Variants in TPTE2 observed in about 807,000 individuals in gnomAD.
TPTE2 encodes transmembrane phosphoinositide 3-phosphatase and tensin homolog 2.
A neutral mutation model predicts 78.6 loss-of-function variants in TPTE2; 53 were observed. That is an observed-to-expected ratio of 0.67 (90% CI 0.54 to 0.85). The LOEUF (loss-of-function observed/expected upper bound fraction) is 0.85. Among genes scored for constraint, TPTE2 ranks in the 40% least tolerant of loss-of-function variants. The pLI, the probability that TPTE2 is intolerant of heterozygous loss-of-function variation, is 0.00. For missense variants in TPTE2, 461 were observed against 623.0 expected (o/e 0.74, Z 2.77); for synonymous variants, 175 against 206.2 (o/e 0.85, Z 1.30).
At chr13:19,531,990 T>A (rs1002374087) in intron 1 of TPTE2, among the ~76,000 whole-genome samples, 1 of 152,138 alleles carries the variant, frequency 6.6e-6, no homozygotes, top group Non-Finnish European at 1.5e-5. Flanking sequence ...AACCGAGTTG[T>A]CAACTGTTTA....
the TPTE2 span, among the ~76,000 whole-genome samples, chr13:19,547,813 T>G: frequency 2.7e-5 from 4 of 149,514 alleles, no homozygotes; most frequent in African/African-American, 9.7e-5. Flanking sequence ...AATGTGTAAC[T>G]GCCATTTAAT....
intron 1 of TPTE2, among the ~76,000 whole-genome samples, chr13:19,499,476 G>C (rs1340816529): frequency 3.6e-5 from 5 of 139,584 alleles, no homozygotes; most frequent in Admixed American, 7.3e-5. Flanking sequence ...AATCAAACTA[G>C]AACTCAGGAT....
the TPTE2 span, among the ~76,000 whole-genome samples, chr13:19,547,719 A>ATATG: frequency 8.5e-6 from 1 of 117,894 alleles, no homozygotes; most frequent in East Asian, 2.4e-4. Flanking sequence ...TAATAAATAT[A>ATATG]CATATATATA....
At chr13:19,552,106 T>C in the TPTE2 span, among the ~76,000 whole-genome samples, 10 of 152,248 alleles carry the variant, frequency 6.6e-5, no homozygotes, top group African/African-American at 2.2e-4. Context: ...AAGCCTACTA[T>C]GTTTTTGCTT....
chr13:19,491,158 G>A (rs577804453), intron 3 of TPTE2, among the ~76,000 whole-genome samples: 32 of 152,276 alleles, frequency 2.1e-4, no homozygotes, highest in Admixed American at 8.5e-4. Context: ...ATACTTTTGT[G>A]TGTGTCTATG....
chr13:19,433,493 A>C (rs1195271897), intron 15 of TPTE2, among the ~76,000 whole-genome samples: 1 of 152,110 alleles, frequency 6.6e-6, no homozygotes, highest in African/African-American at 2.4e-5. Context: ...ACAGAGCGAG[A>C]CTCTGTCTCA....
At chr13:19,482,537 G>C in exon 4 of TPTE2, 1 of 1,611,188 alleles carries the variant, frequency 6.2e-7, no homozygotes, top group Middle Eastern at 1.7e-4. Flanking sequence ...TTGGAAAGTC[G>C]TTCTAACATA....
intron 10 of TPTE2, among the ~76,000 whole-genome samples, chr13:19,452,997 T>G (rs1222037110): frequency 2.2e-5 from 3 of 137,826 alleles, no homozygotes; most frequent in Non-Finnish European, 4.6e-5. Context: ...TTTATTTTAT[T>G]TTATTTTATT....
the TPTE2 span, chr13:19,560,906 G>C: frequency 1.3e-6 from 2 of 1,587,436 alleles, no homozygotes; most frequent in Non-Finnish European, 8.6e-7. Context: ...ACACTCGTTG[G>C]AGGCCAGACA....
At chr13:19,491,849 C>T (rs768992786) in intron 3 of TPTE2, among the ~76,000 whole-genome samples, 2 of 152,074 alleles carry the variant, frequency 1.3e-5, no homozygotes, top group African/African-American at 4.8e-5. Context: ...AATAGAAATA[C>T]ATTTTAATTT....
intron 1 of TPTE2, among the ~76,000 whole-genome samples, chr13:19,525,885 G>A (rs1870466013): frequency 1.3e-5 from 2 of 151,810 alleles, no homozygotes; most frequent in Admixed American, 1.3e-4. Flanking sequence ...GGGGGCAAAG[G>A]ACAGGAACAG....
intron 4 of TPTE2, among the ~76,000 whole-genome samples, chr13:19,480,416 TGAA>T (rs1249362230): frequency 1.3e-5 from 2 of 152,110 alleles, no homozygotes; most frequent in Non-Finnish European, 2.9e-5. Flanking sequence ...TTTATTTAAA[TGAA>T]GAAAATAAAT....
intron 10 of TPTE2, among the ~76,000 whole-genome samples, chr13:19,459,663 C>T (rs1178281286): frequency 6.6e-6 from 1 of 152,176 alleles, no homozygotes; most frequent in Non-Finnish European, 1.5e-5. Context: ...GAGATCAAAG[C>T]TCTGTCCATA....
chr13:19,451,476 C>T (rs569411221), intron 10 of TPTE2, among the ~76,000 whole-genome samples: 143 of 152,272 alleles, frequency 9.4e-4, no homozygotes, highest in South Asian at 4.4e-3. Context: ...AAAGCTATCA[C>T]ATAAGTAAAT....
chr13:19,498,403 G>C (rs1316091927), intron 1 of TPTE2, among the ~76,000 whole-genome samples: 2 of 151,718 alleles, frequency 1.3e-5, no homozygotes, highest in Non-Finnish European at 2.9e-5. Context: ...AGAAAGAAAG[G>C]TCGGGTTACC....
intron 1 of TPTE2, among the ~76,000 whole-genome samples, chr13:19,522,676 G>A (rs1870237150): frequency 1.4e-5 from 2 of 141,426 alleles, no homozygotes; most frequent in Non-Finnish European, 3.0e-5. Context: ...AGGCTGAAGT[G>A]CAGTGGTGTG....
intron 7 of TPTE2, among the ~76,000 whole-genome samples, chr13:19,466,366 AG>A: frequency 6.6e-6 from 1 of 152,348 alleles, no homozygotes; most frequent in East Asian, 1.9e-4. Flanking sequence ...TAACTCCAAA[AG>A]CCAATCACTT....
upstream of TPTE2, among the ~76,000 whole-genome samples, chr13:19,507,552 C>T (rs1346970592): frequency 6.6e-6 from 1 of 152,210 alleles, no homozygotes; most frequent in Non-Finnish European, 1.5e-5. Context: ...TCCAATGCTG[C>T]TTTGTTCAGG....
At chr13:19,448,718 T>C (rs1275196730) in intron 13 of TPTE2, among the ~76,000 whole-genome samples, 2 of 152,164 alleles carry the variant, frequency 1.3e-5, no homozygotes, top group Admixed American at 1.3e-4. Context: ...TTGGTGTGAA[T>C]GTAAATTAGT....
Sources: allele counts gnomAD v4.1 joint callset (sites outside exome capture counted in the v4.1 genomes callset), GRCh38; gene constraint gnomAD v4.1.1; transcripts MANE v1.5; gene names NCBI Gene and HGNC (gene_info 2026-07-23, HGNC 2026-07-21).